ADAMTSL3: variants seen among roughly 807,000 people sequenced by gnomAD.
The protein encoded by ADAMTSL3 is ADAMTS like 3, also known as ADAMTS-like protein 3.
In ADAMTSL3, 128 loss-of-function variants were observed where a neutral mutation model predicts 201.7. The ratio of observed to expected loss-of-function variants is 0.63; its 90% CI spans 0.55 to 0.73. The LOEUF (loss-of-function observed/expected upper bound fraction) is 0.73, where lower values mean the gene tolerates loss of function less well. Among genes scored for constraint, ADAMTSL3 ranks in the 30% least tolerant of loss-of-function variants. The pLI, the probability that ADAMTSL3 is intolerant of heterozygous loss-of-function variation, is 0.00. For missense variants in ADAMTSL3, 1,990 were observed against 2,119.6 expected (o/e 0.94, Z 1.20); for synonymous variants, 738 against 748.4 (o/e 0.99, Z 0.23).
At chr15:83,955,635 T>C (rs2066846497) in intron 19 of ADAMTSL3, among the ~76,000 whole-genome samples, 1 of 152,102 alleles carries the variant, frequency 6.6e-6, no homozygotes, top group African/African-American at 2.4e-5. Context: ...AGATAATTAA[T>C]GCTGCCAGGA....
At chr15:84,000,021 T>C (rs1487267714) in intron 23 of ADAMTSL3, among the ~76,000 whole-genome samples, 2 of 151,946 alleles carry the variant, frequency 1.3e-5, no homozygotes, top group Non-Finnish European at 2.9e-5. Context: ...TTAATGGTAG[T>C]GATTCTCATA....
In ADAMTSL3 at chr15:83,983,294, G is replaced by A. The variant is rs1316458704; in HGVS notation, c.3666G>A (p.Glu1222=). The A allele has an allele frequency of 6.3e-7, 1 of 1,595,914 alleles. No homozygotes were observed. Among genetic ancestry groups the A allele is most frequent in the South Asian group, 1.1e-5 (1 of 87,374 alleles). ...TGTGTGACCTTATTACCCCCAGTGA[G>A]GCCACATATACATGGACCAAGGATG... ...NILCDLITPS[E]ATYTWTKDGT... is the part of the protein sequence containing the mutation. The change falls in exon 21 of 30, where the codon GAG becomes GAA. Residue 1222 remains glutamate, a synonymous_variant. Coordinates refer to ENST00000286744, the MANE Select transcript of ADAMTSL3 (RefSeq NM_207517.3).
chr15:84,030,321 C>T (rs1279620210), intron 27 of ADAMTSL3, among the ~76,000 whole-genome samples: 1 of 152,190 alleles, frequency 6.6e-6, no homozygotes, highest in East Asian at 1.9e-4. Context: ...GGAGGAGCTG[C>T]TTAAGGCCAT....
rs567817431 is a variant in ADAMTSL3, at chr15:83,895,966, G to A, written c.1468-1892G>A. On this transcript the variant is annotated intron_variant, in intron 13 of 29. Coordinates refer to ENST00000286744, the MANE Select transcript of ADAMTSL3 (RefSeq NM_207517.3). ...CACTGAGAAAGGCCTCCATATCCTC[G>A]AAACATATCTTTGAAACTTGTCCCT... is the stretch of plus-strand genomic sequence containing the variant. Among the ~76,000 whole-genome samples, 24 of 152,214 alleles carry A rather than the reference G, an allele frequency of 1.6e-4. 1 individual carries two copies. Among genetic ancestry groups the A allele is most frequent in the Admixed American group, 8.5e-4 (13 of 15,282 alleles).
At chr15:83,972,761 G>A (rs937242255) in intron 20 of ADAMTSL3, among the ~76,000 whole-genome samples, 3 of 152,088 alleles carry the variant, frequency 2.0e-5, no homozygotes, top group Non-Finnish European at 2.9e-5. Context: ...CACAGCCAAC[G>A]CACCCTGAGT....
intron 3 of ADAMTSL3, 137 bp downstream of exon 3, chr15:83,704,645 G>A: frequency 1.7e-6 from 2 of 1,170,792 alleles, no homozygotes; most frequent in South Asian, 3.3e-5. Context: ...CACCCTTGAA[G>A]GATCCCAGAA....
intron 3 of ADAMTSL3, among the ~76,000 whole-genome samples, chr15:83,750,646 G>C (rs1370683121): frequency 6.6e-6 from 1 of 152,060 alleles, no homozygotes; most frequent in Non-Finnish European, 1.5e-5. Context: ...CCGCCTCCTG[G>C]GTTCAAGTGA....
intron 2 of ADAMTSL3, among the ~76,000 whole-genome samples, chr15:83,689,190 G>A (rs1207740046): frequency 6.6e-6 from 1 of 152,120 alleles, no homozygotes; most frequent in African/African-American, 2.4e-5. Flanking sequence ...AAAGGAAGAT[G>A]GCCATATAAA....
At chr15:83,729,422 A>C (rs115265371) in intron 3 of ADAMTSL3, among the ~76,000 whole-genome samples, 24 of 151,044 alleles carry the variant, frequency 1.6e-4, no homozygotes, top group Non-Finnish European at 3.1e-4. Flanking sequence ...TTTTGATCCC[A>C]TAGGCATATG....
intron 6 of ADAMTSL3, among the ~76,000 whole-genome samples, chr15:83,820,921 A>G (rs1397230026): frequency 6.6e-5 from 10 of 152,054 alleles, no homozygotes; most frequent in Non-Finnish European, 1.5e-5. Flanking sequence ...TAAAAATACA[A>G]AAATTAACTG....
chr15:83,806,627 G>A (rs1340863420), intron 5 of ADAMTSL3, among the ~76,000 whole-genome samples: 2 of 152,194 alleles, frequency 1.3e-5, no homozygotes, highest in African/African-American at 4.8e-5. Context: ...GCTGGGGTGG[G>A]CAGGTAACTT....
intron 6 of ADAMTSL3, among the ~76,000 whole-genome samples, chr15:83,829,629 T>C (rs916361613): frequency 2.6e-5 from 4 of 152,238 alleles, no homozygotes; most frequent in Non-Finnish European, 4.4e-5. Context: ...AGGGTATCAA[T>C]TTTAGATCTT....
chr15:83,771,592 A>C (rs1035048298), intron 3 of ADAMTSL3, among the ~76,000 whole-genome samples: 2 of 152,162 alleles, frequency 1.3e-5, no homozygotes, highest in Admixed American at 1.3e-4. Context: ...CTCAAGATTC[A>C]TCCATATTGT....
At chr15:84,027,126 G>A (rs761741666) in intron 27 of ADAMTSL3, among the ~76,000 whole-genome samples, 2 of 152,120 alleles carry the variant, frequency 1.3e-5, no homozygotes, top group African/African-American at 2.4e-5. Context: ...ATAAGCACAC[G>A]AAGGGATGCT....
chr15:83,683,035 A>G (rs1365515327), intron 2 of ADAMTSL3, among the ~76,000 whole-genome samples: 1 of 152,158 alleles, frequency 6.6e-6, no homozygotes, highest in Admixed American at 6.5e-5. Flanking sequence ...AAGGAAATTC[A>G]CTTGGAAATA....
chr15:83,921,288 T>C (rs1043394171), intron 16 of ADAMTSL3, among the ~76,000 whole-genome samples: 45 of 152,216 alleles, frequency 3.0e-4, no homozygotes, highest in Admixed American at 2.9e-3. Flanking sequence ...CCTAGACTAA[T>C]AGAGGATCCG....
Position 83,982,447 on chromosome 15 carries a change from A to G in ADAMTSL3, c.2819A>G (p.Gln940Arg). 6.2e-7 allele frequency: 1 copy of G among 1,614,200 alleles called. No homozygotes were observed. Among genetic ancestry groups the G allele is most frequent in the South Asian group, 1.1e-5 (1 of 91,088 alleles). ...ATTAAGTGCCCCGTGCGACGATTCCAGAAATCTCTGATCCAGTGGGAGAAG... is the reference window on the plus strand; with the variant it reads ...ATTAAGTGCCCCGTGCGACGATTCCGGAAATCTCTGATCCAGTGGGAGAAG... ...VIIKCPVRRF[Q>R]KSLIQWEKDG... The change falls in exon 21 of 30, where the codon CAG becomes CGG. Residue 940 changes from glutamine to arginine, a missense_variant. Coordinates refer to ENST00000286744, the MANE Select transcript of ADAMTSL3 (RefSeq NM_207517.3).
intron 2 of ADAMTSL3, among the ~76,000 whole-genome samples, chr15:83,656,909 G>T (rs2061093225): frequency 6.6e-6 from 1 of 152,182 alleles, no homozygotes; most frequent in African/African-American, 2.4e-5. Context: ...TGGACTTAGT[G>T]CCTCTAAAGC....
At chr15:83,800,974 G>GTT (rs1368889223) in intron 4 of ADAMTSL3, among the ~76,000 whole-genome samples, 1 of 152,124 alleles carries the variant, frequency 6.6e-6, no homozygotes, top group Non-Finnish European at 1.5e-5. Flanking sequence ...CATAGCTGTT[G>GTT]TTTCCCAGTA....
Sources: gnomAD v4.1 joint callset for allele counts (sites outside exome capture counted in the v4.1 genomes callset) on GRCh38, gnomAD v4.1.1 for gene constraint, MANE v1.5 for transcripts, NCBI Gene and HGNC (gene_info 2026-07-23, HGNC 2026-07-21) for gene names.